Variants in SFMBT2 observed in about 807,000 individuals in gnomAD.
SFMBT2 encodes the protein scm-like with four MBT domains protein 2.
Under a neutral mutation model 110.1 loss-of-function variants are expected in SFMBT2, and 38 were observed. The ratio of observed to expected loss-of-function variants is 0.35; its 90% confidence interval spans 0.27 to 0.45. The LOEUF (loss-of-function observed/expected upper bound fraction) is 0.45, where lower values mean the gene tolerates loss of function less well. Ranked by LOEUF, SFMBT2 falls within the 20% of genes least tolerant of loss-of-function variation. SFMBT2 has a pLI of 1.00. For missense variants in SFMBT2, 1,011 were observed against 1,094.9 expected (o/e 0.92, Z 1.08); for synonymous variants, 425 against 425.4 (o/e 1.00, Z 0.01).
intron 15 of SFMBT2, among the ~76,000 whole-genome samples, chr10:7,191,260 A>G (rs1379151011): frequency 6.6e-6 from 1 of 152,162 alleles, no homozygotes; most frequent in Non-Finnish European, 1.5e-5. Flanking sequence ...CCTCTCTGGA[A>G]CCCAATCCAA....
intron 11 of SFMBT2, among the ~76,000 whole-genome samples, chr10:7,208,294 G>C (rs1179010179): frequency 2.6e-5 from 4 of 152,066 alleles, no homozygotes; most frequent in Admixed American, 2.6e-4. Context: ...AAGAGCATTT[G>C]TTTCTTAGCT....
intron 4 of SFMBT2, among the ~76,000 whole-genome samples, chr10:7,331,029 G>A (rs1023240138): frequency 3.3e-5 from 5 of 152,222 alleles, no homozygotes; most frequent in African/African-American, 1.2e-4. Flanking sequence ...TCAATGCCTG[G>A]CCTAGCACAA....
chr10:7,335,704 G>A (rs1050154749), intron 4 of SFMBT2, among the ~76,000 whole-genome samples: 6 of 151,648 alleles, frequency 4.0e-5, no homozygotes, highest in African/African-American at 1.2e-4. Flanking sequence ...GATTGGTGAC[G>A]TCCTCTAAAT....
chr10:7,390,096 T>C (rs1171434939), intron 1 of SFMBT2, among the ~76,000 whole-genome samples: 2 of 152,164 alleles, frequency 1.3e-5, no homozygotes, highest in Non-Finnish European at 1.5e-5. Context: ...TATATCTGCT[T>C]GGTCCAGTAC....
chr10:7,240,008 T>A (rs993037124), intron 9 of SFMBT2, among the ~76,000 whole-genome samples: 1 of 152,124 alleles, frequency 6.6e-6, no homozygotes. Flanking sequence ...ATCTTTAGGA[T>A]CCCTTTCAGT....
chr10:7,205,769 A>C lies in SFMBT2; in HGVS notation c.1444+46T>G, dbSNP rs376920666. 2.3e-4 allele frequency: 363 copies of C among 1,572,982 alleles called. 1 individual carries two copies. The African/African-American group carries it at 4.6e-3, about 20-fold the overall frequency. The stretch of plus-strand genomic sequence containing the variant: ...TTATGAAGCTGCCAATTTATTCACA[A>C]AGATCACTGGTGTCATCCACCCCCC... On this transcript the variant is annotated intron_variant, in intron 12 of 20. Transcript: ENST00000397167.
At chr10:7,361,956 C>G (rs959388844) in intron 4 of SFMBT2, among the ~76,000 whole-genome samples, 10 of 152,178 alleles carry the variant, frequency 6.6e-5, no homozygotes, top group South Asian at 2.1e-4. Context: ...CAATAAATAA[C>G]AATGAAGTCG....
At chr10:7,345,056 A>G (rs1844064551) in intron 4 of SFMBT2, among the ~76,000 whole-genome samples, 2 of 152,004 alleles carry the variant, frequency 1.3e-5, no homozygotes, top group Non-Finnish European at 2.9e-5. Context: ...AAAAGGAGAC[A>G]AACAAGGAAA....
chr10:7,322,994 T>C (rs1388416121), intron 4 of SFMBT2, among the ~76,000 whole-genome samples: 2 of 152,156 alleles, frequency 1.3e-5, no homozygotes, highest in South Asian at 2.1e-4. Context: ...AGTAAAAATG[T>C]GCAAAAGACA....
chr10:7,340,980 CTCTAT>C (rs1843883924), intron 4 of SFMBT2, among the ~76,000 whole-genome samples: 1 of 152,310 alleles, frequency 6.6e-6, no homozygotes, highest in Non-Finnish European at 1.5e-5. Context: ...ACCAGGAGCA[CTCTAT>C]AGAACCAAAT....
intron 9 of SFMBT2, among the ~76,000 whole-genome samples, chr10:7,238,333 TG>T (rs376172463): frequency 6.6e-6 from 1 of 152,158 alleles, no homozygotes; most frequent in African/African-American, 2.4e-5. Flanking sequence ...AAGGATGACT[TG>T]GTCTTCATTA....
intron 4 of SFMBT2, among the ~76,000 whole-genome samples, chr10:7,315,038 G>GAAAGAAAGAA (rs1242711654): frequency 5.5e-4 from 45 of 82,254 alleles, no homozygotes; most frequent in East Asian, 1.9e-3. Context: ...AAGAAAGAAA[G>GAAAGAAAGAA]AGAAAGAAAG....
intron 8 of SFMBT2, among the ~76,000 whole-genome samples, chr10:7,247,529 G>A (rs1290547970): frequency 1.2e-4 from 18 of 152,144 alleles, no homozygotes; most frequent in Admixed American, 1.2e-3. Context: ...TCCATATTCT[G>A]TAATACATTA....
At chr10:7,317,711 G>A (rs979366820) in intron 4 of SFMBT2, among the ~76,000 whole-genome samples, 6 of 150,926 alleles carry the variant, frequency 4.0e-5, no homozygotes, top group East Asian at 1.9e-4. Context: ...GTCCACAGAG[G>A]AGAAGGTAAA....
intron 7 of SFMBT2, among the ~76,000 whole-genome samples, chr10:7,273,194 C>T (rs1185076112): frequency 1.3e-5 from 2 of 152,204 alleles, no homozygotes; most frequent in Admixed American, 6.5e-5. Flanking sequence ...CATTTTTAGC[C>T]ACTTTTAGTG....
At chr10:7,167,592 G>A (rs1837730691) in intron 20 of SFMBT2, among the ~76,000 whole-genome samples, 2 of 152,248 alleles carry the variant, frequency 1.3e-5, no homozygotes, top group Non-Finnish European at 2.9e-5. Context: ...TGCCTGCGGT[G>A]ACCTACCGGA....
At chr10:7,343,679 G>A (rs1844001475) in intron 4 of SFMBT2, among the ~76,000 whole-genome samples, 1 of 152,132 alleles carries the variant, frequency 6.6e-6, no homozygotes, top group Admixed American at 6.5e-5. Context: ...TTGGCCATGT[G>A]TATGTTTTCT....
At chr10:7,280,399 G>A (rs190012694) in intron 6 of SFMBT2, among the ~76,000 whole-genome samples, 2 of 151,874 alleles carry the variant, frequency 1.3e-5, no homozygotes, top group Admixed American at 6.6e-5. Context: ...GGGGGGAGGG[G>A]GTGATAAAAT....
chr10:7,251,784 T>TC (rs574456314), intron 7 of SFMBT2, among the ~76,000 whole-genome samples: 142 of 152,278 alleles, frequency 9.3e-4, no homozygotes, highest in African/African-American at 3.2e-3. Flanking sequence ...TCCTTCTCTG[T>TC]GCAGGACCCC....
Sources: allele counts gnomAD v4.1 joint callset (sites outside exome capture counted in the v4.1 genomes callset), GRCh38; gene constraint gnomAD v4.1.1; transcripts MANE v1.5; gene names NCBI Gene and HGNC (gene_info 2026-07-23, HGNC 2026-07-21).